ZNF665: variants seen among roughly 807,000 people sequenced by gnomAD.
The protein encoded by ZNF665 is zinc finger protein 665.
In ZNF665, 6 loss-of-function variants were observed where a neutral mutation model predicts 7.9. The ratio of observed to expected loss-of-function variants is 0.76; its 90% CI spans 0.42 to 1.50. The LOEUF (loss-of-function observed/expected upper bound fraction) is 1.50, where lower values mean the gene tolerates loss of function less well. ZNF665 is among the 40% of genes most tolerant of loss of function. ZNF665 has a pLI of 0.01. For missense variants in ZNF665, 819 were observed against 806.7 expected (o/e 1.02, Z -0.18); for synonymous variants, 242 against 274.5 (o/e 0.88, Z 1.17).
At position 53,179,310 on chromosome 19, in the gene ZNF665, G is replaced by A. The variant is rs533323760; in HGVS notation, c.15+3574C>T. Among the ~76,000 whole-genome samples the A allele has an allele frequency of 9.3e-4, 139 of 149,952 alleles. 2 individuals are homozygous for A. The highest frequency in any genetic ancestry group is 6.9e-3 in the Middle Eastern group (2 of 290). The stretch of plus-strand genomic sequence containing the variant: ...AGAATGGCATGAACCTGGGAGGCGG[G>A]GCTTGCAGTGAGCCGAGATCGCACC... On this transcript the variant is annotated intron_variant, in intron 2 of 3. Transcript: ENST00000396424.
chr19:53,182,682 G>C, intron 2 of ZNF665: 2 of 1,056,628 alleles, frequency 1.9e-6, no homozygotes, highest in Non-Finnish European at 1.4e-6. Context: ...TCCATGCCCC[G>C]TGCAGCCTCT....
intron 3 of ZNF665, among the ~76,000 whole-genome samples, chr19:53,172,314 CTTTTA>C (rs1308788983): frequency 6.6e-6 from 1 of 152,046 alleles, no homozygotes; most frequent in Non-Finnish European, 1.5e-5. Flanking sequence ...TAATATAGTA[CTTTTA>C]TTTTTATTTT....
chr19:53,164,358 G>C lies in ZNF665; in HGVS notation c.*95C>G, dbSNP rs958368293. On this transcript the variant is annotated 3_prime_UTR_variant, in exon 4 of 4. Coordinates refer to ENST00000396424, the MANE Select transcript of ZNF665 (RefSeq NM_024733.5). ...TCACCGTGTTGGCCAGCCTGGTCTC[G>C]AACTCGAGACCTCAGGTGATCCCCC... 4.9e-6 allele frequency: 5 copies of C among 1,019,578 alleles called. No individual in the cohort carries two copies. 63.2% of individuals were successfully genotyped at this position (1,019,578 alleles called of 1,614,324 possible). A position where few individuals can be genotyped will look rare whatever the true frequency, so the allele number is the denominator to read the frequency against.
At chr19:53,185,234 C>CA (rs2090769076) in intron 1 of ZNF665, among the ~76,000 whole-genome samples, 2 of 151,850 alleles carry the variant, frequency 1.3e-5, no homozygotes, top group African/African-American at 4.8e-5. Flanking sequence ...GGGTGTTGTT[C>CA]CTTGCCACTT....
intron 3 of ZNF665, among the ~76,000 whole-genome samples, chr19:53,170,221 C>T (rs1237644235): frequency 6.6e-6 from 1 of 151,812 alleles, no homozygotes; most frequent in Non-Finnish European, 1.5e-5. Flanking sequence ...TTAATGATTG[C>T]CATTCTAACT....
intron 3 of ZNF665, among the ~76,000 whole-genome samples, chr19:53,170,429 A>G (rs1215595593): frequency 6.6e-6 from 1 of 152,216 alleles, no homozygotes; most frequent in African/African-American, 2.4e-5. Context: ...CTTTGTGTTG[A>G]AACGACAAAC....
chr19:53,165,777 T>G lies in ZNF665; in HGVS notation c.713A>C (p.Glu238Ala). ...HTGEKPYKCN[E>A]CGKVFSQPSN... ...AGGTTGACTGAAGACCTTTCCACAT[T>G]CATTACATTTGTAAGGTTTTTCTCC... Residue 238 changes from glutamate to alanine, a missense_variant, in exon 4 of 4, where the codon GAA becomes GCA. Transcript: ENST00000396424. 1 of 1,614,178 alleles carries G rather than the reference T, an allele frequency of 6.2e-7. No individual in the cohort carries two copies. Among genetic ancestry groups the G allele is most frequent in the Non-Finnish European group, 8.5e-7 (1 of 1,180,036 alleles).
chr19:53,175,570 C>T lies in ZNF665; in HGVS notation c.17G>A (p.Gly6Glu). The T allele has an allele frequency of 6.3e-7, 1 of 1,593,404 alleles. No individual in the cohort carries two copies. The highest frequency in any genetic ancestry group is 8.5e-7 in the Non-Finnish European group (1 of 1,174,254). MALPQ[G>E]QLTFKDVAIE... ...GGCCACATCCTTGAATGTCAACTGT[C>T]CCTAAAATGAAAAACACATTTCACC... The change falls in exon 3 of 4, where the codon GGA (glycine) becomes GAA (glutamate). Residue 6 changes from glycine to glutamate, a missense_variant and splice_region_variant. Transcript: ENST00000396424.
At chr19:53,184,611 G>A (rs1247511503) in intron 1 of ZNF665, among the ~76,000 whole-genome samples, 1 of 152,168 alleles carries the variant, frequency 6.6e-6, no homozygotes, top group Non-Finnish European at 1.5e-5. Flanking sequence ...GAGATGATAA[G>A]GAAGGGCATG....
chr19:53,178,191 T>C (rs1450250240), intron 2 of ZNF665, among the ~76,000 whole-genome samples: 1 of 152,130 alleles, frequency 6.6e-6, no homozygotes, highest in African/African-American at 2.4e-5. Flanking sequence ...TCTGAAAGGG[T>C]GGTCATTTTG....
chr19:53,172,498 T>A lies in ZNF665; in HGVS notation c.142+2947A>T, dbSNP rs1376577572. ...TATTTTATGCTGCTTTAAATTTTTATCTCTGCAAGTAGTGATGTTGGCTGT... is the reference window on the plus strand; with the variant it reads ...TATTTTATGCTGCTTTAAATTTTTAACTCTGCAAGTAGTGATGTTGGCTGT... On this transcript the variant is annotated intron_variant, in intron 3 of 3. Coordinates refer to ENST00000396424, the MANE Select transcript of ZNF665 (RefSeq NM_024733.5). 2.6e-5 allele frequency among the ~76,000 whole-genome samples: 4 copies of A among 152,250 alleles called. No individual in the cohort carries two copies. The East Asian group carries it at 7.7e-4, about 29-fold the overall frequency.
In ZNF665 at chr19:53,162,972, C is replaced by G. The variant is rs2090575422; in HGVS notation, c.*1481G>C. ...CATCAGTCCCTAATAAGCTATTACT[C>G]TCCTCTAATAAAAATCCGAGTGTCT... On this transcript the variant is annotated 3_prime_UTR_variant, in exon 4 of 4. Coordinates refer to ENST00000396424, the MANE Select transcript of ZNF665 (RefSeq NM_024733.5). The G allele has an allele frequency of 6.6e-6, 1 of 152,152 alleles. No homozygotes were observed. Among genetic ancestry groups the G allele is most frequent in the Non-Finnish European group, 1.5e-5 (1 of 68,034 alleles). The allele number at this position is 152,152 out of a possible 1,614,324, so 9.4% of individuals were successfully genotyped here. A position where few individuals can be genotyped will look rare whatever the true frequency, so the allele number is the denominator to read the frequency against.
chr19:53,172,630 G>T (rs1237190455), intron 3 of ZNF665, among the ~76,000 whole-genome samples: 2 of 152,076 alleles, frequency 1.3e-5, no homozygotes, highest in South Asian at 2.1e-4. Flanking sequence ...TTTGAGACCA[G>T]CCTGGCCAAT....
At chr19:53,185,688 G>A (rs1329443258) in intron 1 of ZNF665, among the ~76,000 whole-genome samples, 1 of 151,918 alleles carries the variant, frequency 6.6e-6, no homozygotes, top group Non-Finnish European at 1.5e-5. Context: ...CACATTTAGG[G>A]AACAGAAAAA....
intron 2 of ZNF665, among the ~76,000 whole-genome samples, chr19:53,177,052 G>A (rs2090704120): frequency 6.6e-6 from 1 of 152,088 alleles, no homozygotes; most frequent in Non-Finnish European, 1.5e-5. Flanking sequence ...CCGGGAGGTG[G>A]AGGTTGTGGT....
intron 2 of ZNF665, chr19:53,182,622 G>A (rs182256444): frequency 2.9e-5 from 23 of 784,732 alleles, no homozygotes; most frequent in African/African-American, 1.9e-4. Flanking sequence ...CTGACACCAC[G>A]GGACCCTCAC....
rs577331446 is a variant in ZNF665 at position 53,169,465 on chromosome 19, C to CTACA, written c.143-3122_143-3119dup. Among the ~76,000 whole-genome samples, 35 of 152,142 alleles carry CTACA rather than the reference C, an allele frequency of 2.3e-4. 1 individual carries two copies. The East Asian group carries it at 5.0e-3, about 22-fold the overall frequency. On this transcript the variant is annotated intron_variant, in intron 3 of 3. Coordinates refer to ENST00000396424, the MANE Select transcript of ZNF665 (RefSeq NM_024733.5). ...ACACTGGTAGTGGGAATGTAAAAGG[C>CTACA]TACAACCACTTTGGAAAATAGGTTG...
intron 2 of ZNF665, among the ~76,000 whole-genome samples, chr19:53,178,249 C>T (rs1599879849): frequency 6.6e-6 from 1 of 152,178 alleles, no homozygotes; most frequent in Non-Finnish European, 1.5e-5. Flanking sequence ...AATAGATTCC[C>T]AACATCCTTT....
Position 53,165,591 on chromosome 19 carries a change from G to T in ZNF665, c.899C>A (p.Thr300Asn). The change falls in exon 4 of 4, where the codon ACT becomes AAT. Residue 300 changes from threonine (T) to asparagine (N), a missense_variant. By Grantham distance (65) the Thr-to-Asn change is moderately conservative. Transcript: ENST00000396424. ...ATGACTTGCAAGGTGTGAATTTTGAGTGAAGCACTTGCCACATTCCTTACA... is the reference window on the plus strand; with the variant it reads ...ATGACTTGCAAGGTGTGAATTTTGATTGAAGCACTTGCCACATTCCTTACA... ...YKCKECGKCFTQNSHLASHRR... is the reference protein window; with the variant it reads ...YKCKECGKCFNQNSHLASHRR... 6.2e-7 allele frequency: 1 copy of T among 1,613,522 alleles called. No homozygotes were observed. The highest frequency in any genetic ancestry group is 8.5e-7 in the Non-Finnish European group (1 of 1,179,926).
Sources: gnomAD v4.1 joint callset for allele counts (sites outside exome capture counted in the v4.1 genomes callset) on GRCh38, gnomAD v4.1.1 for gene constraint, MANE v1.5 for transcripts, NCBI Gene and HGNC (gene_info 2026-07-23, HGNC 2026-07-21) for gene names.